Variants in ABCA10 observed in about 807,000 individuals in gnomAD.
The protein encoded by ABCA10 is ATP-binding cassette sub-family A member 10.
In ABCA10, 169 loss-of-function variants were observed where a neutral mutation model predicts 187.5. The observed-to-expected ratio is 0.90, with a 90% CI of 0.80 to 1.02. ABCA10 has a LOEUF of 1.02. Ranked by LOEUF, ABCA10 falls within the 50% of genes least tolerant of loss-of-function variation. The pLI, the probability that ABCA10 is intolerant of heterozygous loss-of-function variation, is 0.00. For synonymous variants in ABCA10, 574 were observed against 601.8 expected (o/e 0.95, Z 0.68); for missense variants, 1,727 against 1,812.4 (o/e 0.95, Z 0.86).
intron 22 of ABCA10, 72 bp downstream of exon 22, chr17:69,182,081 G>T: frequency 7.6e-7 from 1 of 1,317,148 alleles, no homozygotes; most frequent in Non-Finnish European, 9.8e-7. Flanking sequence ...AACTCACATG[G>T]TAGGCTCTAG....
intron 1 of ABCA10, among the ~76,000 whole-genome samples, chr17:69,241,719 T>A (rs1312399769): frequency 6.6e-6 from 1 of 152,162 alleles, no homozygotes; most frequent in East Asian, 1.9e-4. Context: ...TCCCTCCCCA[T>A]CATCTAACAT....
chr17:69,153,165 T>C, intron 34 of ABCA10, 140 bp downstream of exon 34: 1 of 996,536 alleles, frequency 1.0e-6, no homozygotes, highest in Non-Finnish European at 1.4e-6. Flanking sequence ...CTATATTAGG[T>C]TTCACTGAAT....
chr17:69,161,798 A>T (rs950274414), intron 27 of ABCA10, among the ~76,000 whole-genome samples: 1 of 152,202 alleles, frequency 6.6e-6, no homozygotes, highest in African/African-American at 2.4e-5. Flanking sequence ...ACAAACATCA[A>T]GTGTATGGAG....
intron 1 of ABCA10, chr17:69,234,109 C>A (rs916414690): frequency 1.3e-5 from 2 of 152,408 alleles, no homozygotes; most frequent in African/African-American, 4.8e-5. Flanking sequence ...GTGCATCTCC[C>A]AGCAAGTCTC....
intron 32 of ABCA10, 64 bp from the exon 33 acceptor site, chr17:69,153,610 T>C (rs892946742): frequency 6.3e-7 from 1 of 1,577,132 alleles, no homozygotes; most frequent in African/African-American, 1.4e-5. Flanking sequence ...AAAACAACTG[T>C]AGGAAACTCT....
chr17:69,159,161 A>G lies in ABCA10; in HGVS notation c.3364-2238T>C, dbSNP rs186736533. 2.6e-5 allele frequency among the ~76,000 whole-genome samples: 4 copies of G among 152,208 alleles called. No homozygotes were observed. The East Asian group carries it at 7.7e-4, about 29-fold the overall frequency. ...GTTTTGAGTGTTATCAAAGATGTAG[A>G]AAAGCTACTATACATTCACTAAACT... is the stretch of plus-strand genomic sequence containing the variant. On this transcript the variant is annotated intron_variant, in intron 27 of 38. Coordinates refer to ENST00000690296, the MANE Select transcript of ABCA10 (RefSeq NM_001377321.1).
At chr17:69,179,182 CA>C (rs1196991218) in intron 22 of ABCA10, among the ~76,000 whole-genome samples, 12 of 114,508 alleles carry the variant, frequency 1.0e-4, no homozygotes, top group African/African-American at 2.4e-4. Flanking sequence ...AACTCCATCT[CA>C]AAAAAAAACA....
Position 69,185,654 on chromosome 17 carries a change from C to A in ABCA10, c.2331-11G>T. 6.4e-7 allele frequency: 1 copy of A among 1,571,632 alleles called. No individual in the cohort carries two copies. The highest frequency in any genetic ancestry group is 8.7e-7 in the Non-Finnish European group (1 of 1,153,444). ...CCAAGTACTAGTAACCTAAGTAAAA[C>A]AAAATTATAACATGAGTCTGAAGCA... On this transcript the variant is annotated splice_polypyrimidine_tract_variant and intron_variant, in intron 19 of 38. Transcript: ENST00000690296.
At chr17:69,219,361 CAG>C (rs1568073425) in intron 6 of ABCA10, among the ~76,000 whole-genome samples, 182 bp downstream of exon 6, 2 of 152,180 alleles carry the variant, frequency 1.3e-5, no homozygotes, top group African/African-American at 4.8e-5. Flanking sequence ...TTCTTCAACT[CAG>C]GGAAACATAA....
In ABCA10 at chr17:69,215,804, T is replaced by C. The variant is rs200919107; in HGVS notation, c.858+11A>G. 3.0e-5 allele frequency: 45 copies of C among 1,480,244 alleles called. No individual in the cohort carries two copies. Among genetic ancestry groups the C allele is most frequent in the Non-Finnish European group, 3.7e-5 (41 of 1,117,812 alleles). The allele number at this position is 1,480,244 out of a possible 1,614,324, so 91.7% of individuals were successfully genotyped here. ...TCTAATAATAAAATCTTGAAATAAT[T>C]ATGTTCTTACCTGGGCCATTCCAGC... On this transcript the variant is annotated intron_variant, in intron 8 of 38. Transcript: ENST00000690296.
chr17:69,186,720 C>A (rs1455462423), intron 19 of ABCA10, among the ~76,000 whole-genome samples: 1 of 152,170 alleles, frequency 6.6e-6, no homozygotes, highest in Non-Finnish European at 1.5e-5. Flanking sequence ...AAGACCAACA[C>A]CAGCAAACCT....
At chr17:69,159,094 G>C (rs949511746) in intron 27 of ABCA10, among the ~76,000 whole-genome samples, 1 of 151,826 alleles carries the variant, frequency 6.6e-6, no homozygotes, top group South Asian at 2.1e-4. Flanking sequence ...AACAGGAAAG[G>C]GTGACCCACA....
chr17:69,156,842 G>A lies in ABCA10; in HGVS notation c.3445C>T (p.Pro1149Ser), dbSNP rs1290887502. ...KYGNEIMNKD[P>S]VFRISPRSRE... ...TAATATTTTCCCAACCTGAAAACTG[G>A]GTCTTTATTCATTATTTCATTTCCA... The change falls in exon 28 of 39, where the codon CCA becomes TCA. Residue 1149 changes from proline to serine, a missense_variant. Pro to Ser is a moderately conservative substitution (Grantham distance 74). Transcript: ENST00000690296. 1 of 1,563,556 alleles carries A rather than the reference G, an allele frequency of 6.4e-7. No homozygotes were observed. The highest frequency in any genetic ancestry group is 1.8e-5 in the Admixed American group (1 of 55,564).
chr17:69,226,350 G>A (rs903449718), intron 2 of ABCA10, among the ~76,000 whole-genome samples: 1 of 151,894 alleles, frequency 6.6e-6, no homozygotes, highest in Non-Finnish European at 1.5e-5. Flanking sequence ...AAATATAGAT[G>A]TATCCTTCTT....
intron 25 of ABCA10, 103 bp downstream of exon 25, chr17:69,174,178 A>C (rs958414991): frequency 1.3e-6 from 1 of 741,952 alleles, no homozygotes; most frequent in Non-Finnish European, 2.0e-6. Context: ...ACAAACAAAA[A>C]ACCCTCCATT....
Position 69,193,093 on chromosome 17 carries a change from A to C in ABCA10, c.1780+17T>G, listed in dbSNP as rs769438156. 11 of 1,581,392 alleles carry C rather than the reference A, an allele frequency of 7.0e-6. No individual in the cohort carries two copies. Among genetic ancestry groups the C allele is most frequent in the Non-Finnish European group, 7.7e-6 (9 of 1,169,146 alleles). ...AATCCTTAAATAACTAGTTGGAATA[A>C]AGAAGCCAAGAATCACCAGCCAAGA... On this transcript the variant is annotated intron_variant, in intron 15 of 38. Coordinates refer to ENST00000690296, the MANE Select transcript of ABCA10 (RefSeq NM_001377321.1).
chr17:69,223,453 C>T (rs2074767403), intron 3 of ABCA10, among the ~76,000 whole-genome samples: 1 of 152,168 alleles, frequency 6.6e-6, no homozygotes, highest in South Asian at 2.1e-4. Context: ...AATCCACCCA[C>T]TAAGTGTTTA....
At chr17:69,227,825 A>G (rs757930806) in intron 1 of ABCA10, among the ~76,000 whole-genome samples, 3 of 151,942 alleles carry the variant, frequency 2.0e-5, no homozygotes, top group Non-Finnish European at 4.4e-5. Context: ...CAAAAAGCTA[A>G]TTCCTCTTTT....
chr17:69,192,462 C>A, intron 16 of ABCA10, 101 bp downstream of exon 16: 2 of 990,166 alleles, frequency 2.0e-6, no homozygotes, highest in South Asian at 1.7e-5. Context: ...CAGTTTCTAC[C>A]AGAAGTTAAG....
Sources: allele counts gnomAD v4.1 joint callset (sites outside exome capture counted in the v4.1 genomes callset), GRCh38; gene constraint gnomAD v4.1.1; transcripts MANE v1.5; gene names NCBI Gene and HGNC (gene_info 2026-07-23, HGNC 2026-07-21).